Variants in OTUD7A observed in about 807,000 individuals in gnomAD.
The protein encoded by OTUD7A is OTU domain-containing protein 7A.
In OTUD7A, 12 loss-of-function variants were observed where a neutral mutation model predicts 65.7. The ratio of observed to expected loss-of-function variants is 0.18; its 90% CI spans 0.12 to 0.30. The LOEUF (loss-of-function observed/expected upper bound fraction) is 0.30. OTUD7A is among the 10% of genes least tolerant of loss of function. The pLI is 1.00. For synonymous variants in OTUD7A, 641 were observed against 586.3 expected, an observed-to-expected ratio of 1.09 and a Z score of -1.35; for missense variants, 1,148 against 1,304.8, an observed-to-expected ratio of 0.88 and a Z score of 1.85.
rs779664717 is a variant in OTUD7A at position 31,501,799 on chromosome 15, C to T, written c.1062G>A (p.Leu354=). 1.2e-6 allele frequency: 2 copies of T among 1,614,076 alleles called. No individual in the cohort carries two copies. Among genetic ancestry groups the T allele is most frequent in the South Asian group, 2.2e-5 (2 of 91,068 alleles). ...PIPFGGIYLP[L]EVPPNRCHCS... ...AGTGGCATCTGTTGGGAGGGACCTC[C>T]AAGGGCAGGTAGATCCCTCCGAATG... Residue 354 remains leucine (L), a synonymous_variant, in exon 10 of 13, where the codon TTG becomes TTA. Transcript: ENST00000307050.
intron 5 of OTUD7A, among the ~76,000 whole-genome samples, chr15:31,542,064 TACAA>T (rs750411899): frequency 3.0e-4 from 46 of 152,072 alleles, no homozygotes; most frequent in African/African-American, 6.7e-4. Flanking sequence ...GGGAAACTGG[TACAA>T]ACAAACAAAC....
chr15:31,590,976 C>T (rs1248721700), intron 3 of OTUD7A, among the ~76,000 whole-genome samples: 3 of 152,056 alleles, frequency 2.0e-5, no homozygotes, highest in Non-Finnish European at 2.9e-5. Flanking sequence ...AAGAGGCTAA[C>T]AGAGTAAGAG....
chr15:31,813,836 G>C (rs1486355893), intron 1 of OTUD7A, among the ~76,000 whole-genome samples: 1 of 152,114 alleles, frequency 6.6e-6, no homozygotes, highest in Non-Finnish European at 1.5e-5. Context: ...CCCAATTCCT[G>C]CCTCCGCAGT....
chr15:31,829,346 C>T (rs747574813), intron 1 of OTUD7A, among the ~76,000 whole-genome samples: 4 of 152,206 alleles, frequency 2.6e-5, no homozygotes, highest in Non-Finnish European at 2.9e-5. Context: ...AGGCCTCCCA[C>T]ATTTGATCTT....
chr15:31,700,923 TCAATAG>T (rs1893199467), intron 1 of OTUD7A, among the ~76,000 whole-genome samples: 1 of 151,628 alleles, frequency 6.6e-6, no homozygotes, highest in Non-Finnish European at 1.5e-5. Context: ...ATAAGACATA[TCAATAG>T]CATGTGCACC....
chr15:31,639,785 C>T (rs925934369), intron 3 of OTUD7A, among the ~76,000 whole-genome samples: 2 of 152,170 alleles, frequency 1.3e-5, no homozygotes, highest in African/African-American at 2.4e-5. Context: ...AGCATCTTTT[C>T]ACCTGCTTAT....
intron 3 of OTUD7A, among the ~76,000 whole-genome samples, chr15:31,621,791 A>T (rs12324272): frequency 0.26 from 36,709 of 141,648 alleles, 5,937 homozygotes; most frequent in African/African-American, 0.44. Flanking sequence ...GTTATGTGTG[A>T]ATCTGATACT....
chr15:31,681,215 G>C (rs996680629), intron 1 of OTUD7A, among the ~76,000 whole-genome samples: 1 of 151,438 alleles, frequency 6.6e-6, no homozygotes, highest in Non-Finnish European at 1.5e-5. Context: ...CTCCCCTTCT[G>C]TTGGTCATGT....
In OTUD7A at chr15:31,483,783, CG is replaced by C. The variant is rs1258615864; in HGVS notation, c.2312del (p.Pro771ArgfsTer216). 2 of 1,043,688 alleles carry C rather than the reference CG, an allele frequency of 1.9e-6. No individual in the cohort carries two copies. The highest frequency in any genetic ancestry group is 2.3e-6 in the Non-Finnish European group (2 of 870,320). The allele number at this position is 1,043,688 out of a possible 1,614,324, so 64.7% of individuals were successfully genotyped here. On this transcript the variant is annotated frameshift_variant, in exon 13 of 13. Transcript: ENST00000307050. LOFTEE classifies it high-confidence loss of function. ...ASGPVPGRSP[P>X]APARQSVIHV... is the part of the protein sequence containing the mutation. ...GGATGACGCTCTGGCGCGCTGGCGC[CG>C]GGGGGCTGCGGCCAGGCACTGGTCC...
At chr15:31,555,187 G>A (rs1360267014) in intron 5 of OTUD7A, among the ~76,000 whole-genome samples, 2 of 152,136 alleles carry the variant, frequency 1.3e-5, no homozygotes, top group African/African-American at 2.4e-5. Context: ...GAAGGCCACT[G>A]TTTGCCAGTT....
intron 1 of OTUD7A, among the ~76,000 whole-genome samples, chr15:31,786,094 G>A (rs1253362515): frequency 2.0e-5 from 3 of 152,002 alleles, no homozygotes; most frequent in African/African-American, 7.2e-5. Flanking sequence ...CAGCCCTCTC[G>A]CCATATGATG....
chr15:31,867,473 TG>T (rs1897907716), intron 1 of OTUD7A, among the ~76,000 whole-genome samples: 1 of 152,110 alleles, frequency 6.6e-6, no homozygotes, highest in Non-Finnish European at 1.5e-5. Flanking sequence ...ACTTCCTAAG[TG>T]GACATCCGCC....
At chr15:31,507,763 G>A (rs1409080713) in intron 8 of OTUD7A, among the ~76,000 whole-genome samples, 1 of 152,044 alleles carries the variant, frequency 6.6e-6, no homozygotes, top group Admixed American at 6.6e-5. Context: ...TGATTGGTGC[G>A]TTTTACAGAG....
intron 3 of OTUD7A, among the ~76,000 whole-genome samples, chr15:31,632,221 T>C (rs11071243): frequency 0.24 from 36,280 of 152,136 alleles, 5,471 homozygotes; most frequent in East Asian, 0.66. Flanking sequence ...TTTGTGGCTT[T>C]ATCTACTTTT....
chr15:31,841,332 T>C (rs1897177139), intron 1 of OTUD7A, among the ~76,000 whole-genome samples: 1 of 152,072 alleles, frequency 6.6e-6, no homozygotes, highest in African/African-American at 2.4e-5. Flanking sequence ...ATGAACTGCC[T>C]CGGAAATGAG....
chr15:31,628,142 G>C (rs928469711), intron 3 of OTUD7A, among the ~76,000 whole-genome samples: 1 of 152,154 alleles, frequency 6.6e-6, no homozygotes, highest in African/African-American at 2.4e-5. Context: ...ATTGCTTTTG[G>C]TGTTTTAGAC....
intron 3 of OTUD7A, among the ~76,000 whole-genome samples, chr15:31,606,353 G>T (rs759358569): frequency 1.3e-5 from 2 of 152,192 alleles, no homozygotes; most frequent in African/African-American, 4.8e-5. Flanking sequence ...GAACACACAC[G>T]TGACCGTGCA....
chr15:31,589,263 G>C (rs1889643528), intron 3 of OTUD7A, among the ~76,000 whole-genome samples: 1 of 151,618 alleles, frequency 6.6e-6, no homozygotes, highest in Non-Finnish European at 1.5e-5. Flanking sequence ...TAAAGAGTAG[G>C]ATCAGGAGTG....
chr15:31,584,306 C>A (rs1386668998), intron 3 of OTUD7A, among the ~76,000 whole-genome samples: 2 of 152,326 alleles, frequency 1.3e-5, no homozygotes, highest in South Asian at 4.1e-4. Context: ...CCTTGCTAGA[C>A]CTCCTAAGAA....
Sources: allele counts gnomAD v4.1 joint callset (sites outside exome capture counted in the v4.1 genomes callset), GRCh38; gene constraint gnomAD v4.1.1; transcripts MANE v1.5; gene names NCBI Gene and HGNC (gene_info 2026-07-23, HGNC 2026-07-21).